DNAH11: variants seen among roughly 807,000 people sequenced by gnomAD.
DNAH11 encodes dynein axonemal heavy chain 11.
DNAH11 carries 442 observed loss-of-function variants against 526.0 expected under a neutral mutation model. The observed-to-expected ratio is 0.84, with a 90% confidence interval of 0.78 to 0.91. DNAH11 has a LOEUF of 0.91. DNAH11 is among the 40% of genes least tolerant of loss of function. DNAH11 has a pLI of 0.00. For synonymous variants in DNAH11, 2,461 were observed against 1,935.9 expected (o/e 1.27, Z -7.12); for missense variants, 6,989 against 5,448.7 (o/e 1.28, Z -8.90).
chr7:21,786,209 A>G (rs1224277216), intron 58 of DNAH11, among the ~76,000 whole-genome samples: 23 of 152,118 alleles, frequency 1.5e-4, no homozygotes, highest in Admixed American at 7.2e-4. Flanking sequence ...GAGACACTGA[A>G]TTAAGGAATT....
rs552249954 is a variant in DNAH11 at position 21,570,106 on chromosome 7, G to A, written c.1232G>A (p.Gly411Glu). 46 of 1,612,064 alleles carry A rather than the reference G, an allele frequency of 2.9e-5. No individual in the cohort carries two copies. In the Admixed American group the frequency reaches 6.4e-4, roughly 22 times the overall value. The part of the protein sequence containing the change: ...AYLSPEDLLR[G>E]EIEESLEKVQ... The stretch of plus-strand genomic sequence containing the variant: ...CTTTCACCTGAGGACCTTTTGAGGG[G>A]AGAAATAGAAGAGTCACTGGAAAAG... Residue 411 changes from glycine to glutamate, a missense_variant, in exon 7 of 82, where the codon GGA becomes GAA. Transcript: ENST00000409508.
At chr7:21,866,801 A>G in intron 71 of DNAH11, 138 bp downstream of exon 71, 1 of 943,534 alleles carries the variant, frequency 1.1e-6, no homozygotes, top group Non-Finnish European at 1.5e-6. Context: ...TGATATTATA[A>G]TCACTGCTAC....
At chr7:21,688,661 T>C (rs1783484240) in intron 34 of DNAH11, among the ~76,000 whole-genome samples, 1 of 152,192 alleles carries the variant, frequency 6.6e-6, no homozygotes, top group South Asian at 2.1e-4. Flanking sequence ...TTCCACCAAC[T>C]CCTTCTTTGC....
At chr7:21,837,065 T>C (rs1251969152) in intron 65 of DNAH11, among the ~76,000 whole-genome samples, 5 of 150,684 alleles carry the variant, frequency 3.3e-5, no homozygotes, top group Admixed American at 6.8e-5. Context: ...CCAATTAGAA[T>C]GGATATTATC....
intron 46 of DNAH11, 100 bp downstream of exon 46, chr7:21,735,944 G>C: frequency 8.8e-7 from 1 of 1,134,208 alleles, no homozygotes. Flanking sequence ...CTAGAATTTA[G>C]AGTTGTTGCT....
chr7:21,799,865 T>G (rs1788890950), intron 61 of DNAH11, among the ~76,000 whole-genome samples: 1 of 152,236 alleles, frequency 6.6e-6, no homozygotes, highest in East Asian at 1.9e-4. Flanking sequence ...TGTTAAAGTT[T>G]CTTGGAACTT....
chr7:21,623,376 A>G (rs1786172412), intron 25 of DNAH11, among the ~76,000 whole-genome samples: 1 of 151,692 alleles, frequency 6.6e-6, no homozygotes, highest in African/African-American at 2.4e-5. Flanking sequence ...GGGACTGTAA[A>G]CTAGTTCAAC....
At chr7:21,752,190 T>A (rs921302375) in intron 54 of DNAH11, among the ~76,000 whole-genome samples, 1 of 152,268 alleles carries the variant, frequency 6.6e-6, no homozygotes, top group Admixed American at 6.5e-5. Flanking sequence ...TGTATATCTT[T>A]CATGCTCAAC....
chr7:21,669,528 C>G (rs570708311), intron 30 of DNAH11, among the ~76,000 whole-genome samples: 2 of 151,712 alleles, frequency 1.3e-5, no homozygotes, highest in Non-Finnish European at 1.5e-5. Context: ...GTTTTTTGTT[C>G]GAAAATGGAC....
rs1401130397 is a variant in DNAH11, at chr7:21,632,352, A to G, written c.4501-3519A>G. Among the ~76,000 whole-genome samples the G allele has an allele frequency of 2.0e-5, 3 of 152,186 alleles. No homozygotes were observed. The East Asian group carries it at 5.8e-4, about 29-fold the overall frequency. On this transcript the variant is annotated intron_variant, in intron 25 of 81. Transcript: ENST00000409508. ...ACATTCAGCTCCTGGTTACTTTTGCAAATTTCTGCAGTCAGGTTGAATTTC... is the reference window on the plus strand; with the variant it reads ...ACATTCAGCTCCTGGTTACTTTTGCGAATTTCTGCAGTCAGGTTGAATTTC...
intron 68 of DNAH11, among the ~76,000 whole-genome samples, chr7:21,860,108 G>A (rs1422005172): frequency 6.6e-6 from 1 of 152,128 alleles, no homozygotes; most frequent in Admixed American, 6.5e-5. Flanking sequence ...GGGAGGTTGA[G>A]GCTGCAGTGA....
At chr7:21,607,116 C>A (rs569149130) in intron 20 of DNAH11, among the ~76,000 whole-genome samples, 1 of 152,152 alleles carries the variant, frequency 6.6e-6, no homozygotes, top group African/African-American at 2.4e-5. Flanking sequence ...GCCAGCATTG[C>A]GGCCTTGAGT....
At chr7:21,827,296 A>T (rs1240336000) in intron 65 of DNAH11, among the ~76,000 whole-genome samples, 1 of 152,172 alleles carries the variant, frequency 6.6e-6, no homozygotes, top group East Asian at 1.9e-4. Flanking sequence ...ATCTGGAAAG[A>T]TTTATCAACA....
At chr7:21,600,611 G>C (rs1478254521) in intron 15 of DNAH11, 65 bp from the exon 16 acceptor site, 14 of 1,486,154 alleles carry the variant, frequency 9.4e-6, no homozygotes, top group Admixed American at 2.2e-5. Flanking sequence ...GTAATGTTAT[G>C]TTGTAGATAA....
chr7:21,853,052 C>T (rs1248988729), intron 67 of DNAH11, among the ~76,000 whole-genome samples: 3 of 152,136 alleles, frequency 2.0e-5, no homozygotes, highest in East Asian at 1.9e-4. Context: ...ACAGGCCTGC[C>T]GTGGCAGGAT....
chr7:21,633,890 G>A (rs1211042622), intron 25 of DNAH11, among the ~76,000 whole-genome samples: 3 of 152,194 alleles, frequency 2.0e-5, no homozygotes, highest in Non-Finnish European at 4.4e-5. Flanking sequence ...GGAATGACAG[G>A]ATGTCTCTAC....
chr7:21,801,452 A>G (rs572148673), intron 62 of DNAH11, among the ~76,000 whole-genome samples, 177 bp downstream of exon 62: 2 of 152,360 alleles, frequency 1.3e-5, no homozygotes, highest in East Asian at 3.9e-4. Context: ...TCAAGTACAT[A>G]TCTTTTAATT....
At chr7:21,611,148 T>G (rs909607397) in intron 20 of DNAH11, among the ~76,000 whole-genome samples, 3 of 152,098 alleles carry the variant, frequency 2.0e-5, no homozygotes, top group Admixed American at 1.3e-4. Context: ...GGGGCCCAGA[T>G]AGAAGAAAAA....
In DNAH11 at chr7:21,620,275, A is replaced by C. The variant is rs372133681; in HGVS notation, c.4500+197A>C. Among the ~76,000 whole-genome samples the C allele has an allele frequency of 1.8e-4, 28 of 152,248 alleles. 3 individuals carry two copies. Among genetic ancestry groups the C allele is most frequent in the Admixed American group, 9.2e-4 (14 of 15,288 alleles). ...AAATCTCCTTTAGGAATTTTGAAAC[A>C]TACAATGCATTATTATTTATTGTAG... On this transcript the variant is annotated intron_variant, in intron 25 of 81. Coordinates refer to ENST00000409508, the MANE Select transcript of DNAH11 (RefSeq NM_001277115.2).
Sources: gnomAD v4.1 joint callset for allele counts (sites outside exome capture counted in the v4.1 genomes callset) on GRCh38, gnomAD v4.1.1 for gene constraint, MANE v1.5 for transcripts, NCBI Gene and HGNC (gene_info 2026-07-23, HGNC 2026-07-21) for gene names.